The following NDEL1 variants were observed in gnomAD, a reference collection of about 807,000 sequenced individuals.
NDEL1 encodes the protein nuclear distribution protein nudE-like 1.
In NDEL1, 9 loss-of-function variants were observed where a neutral mutation model predicts 45.7. That is an observed-to-expected ratio of 0.20 (90% CI 0.12 to 0.34). The LOEUF is 0.34. Ranked by LOEUF, NDEL1 falls within the 10% of genes least tolerant of loss-of-function variation. The pLI is 1.00. For missense variants in NDEL1, 306 were observed against 406.2 expected (o/e 0.75, Z 2.12); for synonymous variants, 133 against 158.6 (o/e 0.84, Z 1.21).
chr17:8,424,019 T>C (rs1308037185), intron 1 of NDEL1, among the ~76,000 whole-genome samples: 1 of 152,188 alleles, frequency 6.6e-6, no homozygotes, highest in Non-Finnish European at 1.5e-5. Flanking sequence ...TTTTTAAACT[T>C]TAGAAAATTA....
chr17:8,466,523 T>A (rs1242743275), intron 8 of NDEL1: 1 of 165,860 alleles, frequency 6.0e-6, no homozygotes, highest in Non-Finnish European at 1.3e-5. Flanking sequence ...TAGTGTTAGT[T>A]ACATTCTGAA....
chr17:8,457,292 A>G (rs554562518), intron 7 of NDEL1, among the ~76,000 whole-genome samples: 10 of 151,202 alleles, frequency 6.6e-5, no homozygotes, highest in Middle Eastern at 3.4e-3. Flanking sequence ...ATTTCTCTCC[A>G]TTTTACTCTT....
At chr17:8,449,878 C>A (rs750831588) in intron 5 of NDEL1, among the ~76,000 whole-genome samples, 1 of 152,148 alleles carries the variant, frequency 6.6e-6, no homozygotes, top group Non-Finnish European at 1.5e-5. Context: ...GTTTTGAATT[C>A]TTTTGGATAC....
chr17:8,448,233 T>G (rs944574645), intron 4 of NDEL1, among the ~76,000 whole-genome samples: 1 of 152,236 alleles, frequency 6.6e-6, no homozygotes, highest in African/African-American at 2.4e-5. Flanking sequence ...TTTGAAAAGT[T>G]TTCTTTCTGA....
At chr17:8,424,202 C>T (rs1242781966) in intron 1 of NDEL1, among the ~76,000 whole-genome samples, 1 of 152,198 alleles carries the variant, frequency 6.6e-6, no homozygotes, top group East Asian at 1.9e-4. Flanking sequence ...GGATCCCATA[C>T]CGATTGTTGA....
At chr17:8,413,455 A>G (rs1908470588) in intron 1 of NDEL1, among the ~76,000 whole-genome samples, 1 of 152,242 alleles carries the variant, frequency 6.6e-6, no homozygotes, top group East Asian at 1.9e-4. Flanking sequence ...GTTGGGTGAC[A>G]TAAAGAGACG....
intron 2 of NDEL1, chr17:8,445,025 C>T (rs773103584): frequency 6.6e-6 from 1 of 152,090 alleles, no homozygotes; most frequent in Non-Finnish European, 1.5e-5. Context: ...TTCTATTGTG[C>T]CAGTGGATAT....
chr17:8,444,120 T>G (rs1909932527), intron 1 of NDEL1, 140 bp from the exon 2 acceptor site: 1 of 583,384 alleles, frequency 1.7e-6, no homozygotes, highest in African/African-American at 1.9e-5. Context: ...CGTGCCTGAG[T>G]TTGAAGAGAG....
At chr17:8,433,750 A>C (rs965341735), upstream of NDEL1, among the ~76,000 whole-genome samples, 2 of 152,178 alleles carry the variant, frequency 1.3e-5, no homozygotes, top group African/African-American at 4.8e-5. Flanking sequence ...TTCTGGGCTC[A>C]AGTGATCTGT....
chr17:8,437,396 A>G (rs140148325), intron 1 of NDEL1, among the ~76,000 whole-genome samples: 145 of 152,342 alleles, frequency 9.5e-4, no homozygotes, highest in African/African-American at 3.1e-3. Context: ...AGAGCTTAAA[A>G]TAAGTAGGAA....
chr17:8,414,512 A>G (rs1225455525), intron 1 of NDEL1, among the ~76,000 whole-genome samples: 1 of 152,056 alleles, frequency 6.6e-6, no homozygotes, highest in African/African-American at 2.4e-5. Flanking sequence ...CTAAAAATAC[A>G]AAAAATTAGC....
chr17:8,442,162 G>A (rs1202711914), intron 1 of NDEL1, among the ~76,000 whole-genome samples: 1 of 152,144 alleles, frequency 6.6e-6, no homozygotes, highest in African/African-American at 2.4e-5. Context: ...ATTCTTTGAT[G>A]TGGAGCCTGT....
intron 8 of NDEL1, 23 bp downstream of exon 8, chr17:8,460,183 G>T: frequency 6.3e-7 from 1 of 1,597,800 alleles, no homozygotes; most frequent in Non-Finnish European, 8.5e-7. Context: ...TGTTTTAAGT[G>T]ATAATTTTTT....
At chr17:8,445,889 G>T in intron 3 of NDEL1, 25 bp downstream of exon 3, 2 of 1,421,890 alleles carry the variant, frequency 1.4e-6, no homozygotes. Context: ...AGACGCTGGG[G>T]TCTAATGTGT....
rs1715764223 is a variant in NDEL1 at position 8,459,879 on chromosome 17, G to T, written c.793-130G>T. 5.6e-6 allele frequency: 5 copies of T among 885,376 alleles called. No individual in the cohort carries two copies. The Admixed American group carries it at 1.0e-4, about 18-fold the overall frequency. 54.8% of individuals were successfully genotyped at this position (885,376 alleles called of 1,614,324 possible). On this transcript the variant is annotated intron_variant, in intron 7 of 8. Coordinates refer to ENST00000334527, the MANE Select transcript of NDEL1 (RefSeq NM_030808.5). ...TTTATTAGAAAGTTGATTGATTATGGCTGAACTAACCACCATTATCAACTG... is the reference window on the plus strand; with the variant it reads ...TTTATTAGAAAGTTGATTGATTATGTCTGAACTAACCACCATTATCAACTG...
At chr17:8,439,140 A>G (rs1473701615) in intron 1 of NDEL1, among the ~76,000 whole-genome samples, 1 of 151,100 alleles carries the variant, frequency 6.6e-6, no homozygotes, top group Non-Finnish European at 1.5e-5. Flanking sequence ...ACGGGGTTTC[A>G]CCATGTTAGC....
intron 8 of NDEL1, chr17:8,463,263 G>A (rs1180913849): frequency 8.2e-5 from 119 of 1,450,476 alleles, no homozygotes; most frequent in South Asian, 2.2e-4. Flanking sequence ...ATTTTAGGGC[G>A]TGATGTGGAA....
At chr17:8,433,899 T>G (rs1909079847), upstream of NDEL1, among the ~76,000 whole-genome samples, 1 of 152,220 alleles carries the variant, frequency 6.6e-6, no homozygotes. Context: ...AATAGGCATA[T>G]GTAATATGTT....
intron 1 of NDEL1, among the ~76,000 whole-genome samples, chr17:8,430,821 T>A (rs1056796069): frequency 6.6e-6 from 1 of 152,234 alleles, no homozygotes; most frequent in African/African-American, 2.4e-5. Flanking sequence ...CACTTTATTT[T>A]TTCTGGATTT....
Sources: allele counts gnomAD v4.1 joint callset (sites outside exome capture counted in the v4.1 genomes callset), GRCh38; gene constraint gnomAD v4.1.1; transcripts MANE v1.5; gene names NCBI Gene and HGNC (gene_info 2026-07-23, HGNC 2026-07-21).